The following HEXD variants were observed in gnomAD, a reference collection of about 807,000 sequenced individuals.
HEXD encodes hexosaminidase D.
In HEXD, 47 loss-of-function variants were observed where a neutral mutation model predicts 54.2. The ratio of observed to expected loss-of-function variants is 0.87; its 90% CI spans 0.69 to 1.11. The LOEUF (loss-of-function observed/expected upper bound fraction) is 1.11. HEXD is among the 50% of genes least tolerant of loss of function. HEXD has a pLI of 0.00. For synonymous variants in HEXD, 293 were observed against 287.6 expected (o/e 1.02, Z -0.19); for missense variants, 576 against 649.2 (o/e 0.89, Z 1.23).
chr17:82,431,944 A>G (rs892126034), intron 4 of HEXD, among the ~76,000 whole-genome samples: 1 of 152,186 alleles, frequency 6.6e-6, no homozygotes, highest in Non-Finnish European at 1.5e-5. Context: ...GTTGTTTTCT[A>G]GCAAATGGCC....
At chr17:82,428,466 C>A (rs960043291) in intron 3 of HEXD, 92 bp from the exon 4 acceptor site, 36 of 1,059,880 alleles carry the variant, frequency 3.4e-5, no homozygotes, top group Non-Finnish European at 4.7e-5. Flanking sequence ...CCGGAGAGCC[C>A]CCCAGGGCCT....
Position 82,442,336 on chromosome 17 carries a change from C to T in HEXD, c.1413C>T (p.Pro471=), listed in dbSNP as rs745586320. 30 of 1,610,756 alleles carry T rather than the reference C, an allele frequency of 1.9e-5. No individual in the cohort carries two copies. Among genetic ancestry groups the T allele is most frequent in the Middle Eastern group, 3.3e-4 (2 of 6,066 alleles). Residue 471 remains proline (P), a synonymous_variant, in exon 13 of 13, where the codon CCC becomes CCT. Coordinates refer to ENST00000327949, the MANE Select transcript of HEXD (RefSeq NM_001330542.2). The surrounding 1 kb of genome is among the most constrained non-coding windows in gnomAD (Gnocchi z 6.8). ...LLQDLSEVSA[P]PLPPTSPGRD... is the part of the protein sequence containing the mutation. ...AGGACCTCAGCGAGGTGTCTGCCCC[C>T]CCGCTGCCACCCACCAGCCCTGGCA...
rs540477362 is a variant in HEXD, at chr17:82,422,050, C to T, written c.84+2167C>T. On this transcript the variant is annotated intron_variant, in intron 2 of 12. Transcript: ENST00000327949. ...CCGTGTGGTGGCGGCGCCTGTAATC[C>T]TGCTACTCGAGAGGCTGAGGCAGGA... Among the ~76,000 whole-genome samples the T allele has an allele frequency of 2.0e-5, 3 of 151,792 alleles. No individual in the cohort carries two copies. The South Asian group carries it at 6.2e-4, about 32-fold the overall frequency.
chr17:82,440,212 G>A (rs779769974), intron 9 of HEXD: 1 of 1,289,680 alleles, frequency 7.8e-7, no homozygotes, highest in South Asian at 1.2e-5. Context: ...CTGTGTGTGT[G>A]GAAACTCGCA....
Position 82,434,516 on chromosome 17 carries a change from A to T in HEXD, c.447+694A>T, listed in dbSNP as rs1439654879. On this transcript the variant is annotated intron_variant, in intron 5 of 12. Transcript: ENST00000327949. This position sits in a 1 kb window ranked among gnomAD's most constrained non-coding sequence, Gnocchi z 4.5. ...TTTGAAGGAAACCTGAGTATGTAAA[A>T]TACACTTAAGCTTTACCATTCTAAC... 6.6e-6 allele frequency among the ~76,000 whole-genome samples: 1 copy of T among 152,202 alleles called. No homozygotes were observed. The highest frequency in any genetic ancestry group is 1.5e-5 in the Non-Finnish European group (1 of 68,038).
intron 5 of HEXD, among the ~76,000 whole-genome samples, chr17:82,435,343 G>A (rs2053729575): frequency 6.6e-6 from 1 of 152,146 alleles, no homozygotes; most frequent in Non-Finnish European, 1.5e-5. Context: ...GCTCCTCCGG[G>A]CTGTCAGCTG....
chr17:82,421,769 T>G (rs937328101), intron 2 of HEXD, among the ~76,000 whole-genome samples: 1 of 151,916 alleles, frequency 6.6e-6, no homozygotes, highest in African/African-American at 2.4e-5. Context: ...GAGGTTGCAG[T>G]GAGCCAAGAT....
chr17:82,433,873 T>G, intron 5 of HEXD, 51 bp downstream of exon 5: 1 of 1,504,536 alleles, frequency 6.6e-7, no homozygotes, highest in African/African-American at 1.4e-5. Context: ...CTATCATGGC[T>G]TGTCCTTTTA....
At chr17:82,423,090 A>G (rs1045838433) in intron 2 of HEXD, among the ~76,000 whole-genome samples, 1 of 152,134 alleles carries the variant, frequency 6.6e-6, no homozygotes, top group African/African-American at 2.4e-5. Context: ...CGTTCTGACA[A>G]TTGAATATAG....
chr17:82,441,925 G>C (rs2053991519), intron 12 of HEXD, 36 bp downstream of exon 12: 4 of 1,590,874 alleles, frequency 2.5e-6, no homozygotes, highest in Non-Finnish European at 3.4e-6. Flanking sequence ...GTGCAGCCAT[G>C]GGTTCCCTGA....
At chr17:82,423,524 AAAG>A (rs1272149564) in intron 2 of HEXD, 1 of 152,192 alleles carries the variant, frequency 6.6e-6, no homozygotes, top group Non-Finnish European at 1.5e-5. Flanking sequence ...CTGTTAAAAA[AAAG>A]AGAGAGGCCG....
In HEXD at chr17:82,440,565, G is replaced by A. The variant is rs149561949; in HGVS notation, c.983-432G>A. On this transcript the variant is annotated intron_variant, in intron 9 of 12. Transcript: ENST00000327949. ...AGCCTCTTGCAGCAAGCATTTCCAT[G>A]AACACCAAGTCGGAGATTCGTCCAC... 375 of 320,742 alleles carry A rather than the reference G, an allele frequency of 1.2e-3. 1 individual carries two copies. Among genetic ancestry groups the A allele is most frequent in the African/African-American group, 6.0e-3 (272 of 45,204 alleles). The allele number at this position is 320,742 out of a possible 1,614,324, so 19.9% of individuals were successfully genotyped here.
intron 8 of HEXD, 182 bp from the exon 9 acceptor site, chr17:82,439,449 G>C (rs372848448): frequency 2.0e-6 from 2 of 985,308 alleles, no homozygotes; most frequent in East Asian, 2.3e-4. Context: ...TGACATGAGA[G>C]CCCTGCCGCA....
At chr17:82,423,158 C>A (rs1031876330) in intron 2 of HEXD, among the ~76,000 whole-genome samples, 2 of 152,222 alleles carry the variant, frequency 1.3e-5, no homozygotes, top group Non-Finnish European at 2.9e-5. Flanking sequence ...TCTGTTGCTG[C>A]GTGACAGATC....
chr17:82,424,435 C>T lies in HEXD; in HGVS notation c.126C>T (p.Leu42=), dbSNP rs758271479. 77 of 1,614,016 alleles carry T rather than the reference C, an allele frequency of 4.8e-5. 1 individual carries two copies. In the South Asian group the frequency reaches 7.9e-4, roughly 17 times the overall value. The change falls in exon 3 of 13, where the codon CTC becomes CTT. Residue 42 remains leucine, a synonymous_variant. Transcript: ENST00000327949. The part of the protein sequence containing the change: ...LFRALGANGL[L]IEYEDMFPYE... ...GTGCGCTAGGTGCAAACGGCCTCCTCATTGAGTATGAAGACATGTTTCCCT... is the reference window on the plus strand; with the variant it reads ...GTGCGCTAGGTGCAAACGGCCTCCTTATTGAGTATGAAGACATGTTTCCCT...
At chr17:82,431,865 T>C (rs1050239278) in intron 4 of HEXD, among the ~76,000 whole-genome samples, 7 of 152,214 alleles carry the variant, frequency 4.6e-5, no homozygotes, top group African/African-American at 1.7e-4. Flanking sequence ...GAACTGAACA[T>C]TTCAGTTAAT....
chr17:82,432,484 A>T (rs913751123), intron 4 of HEXD, among the ~76,000 whole-genome samples: 1 of 152,142 alleles, frequency 6.6e-6, no homozygotes. Flanking sequence ...TTCCACAGTG[A>T]GGGGGAAGGG....
chr17:82,428,273 C>A, intron 3 of HEXD: 1 of 273,984 alleles, frequency 3.6e-6, no homozygotes, highest in Middle Eastern at 1.2e-3. Flanking sequence ...GCGTGAGCCA[C>A]TGTGCCTGGC....
intron 4 of HEXD, among the ~76,000 whole-genome samples, chr17:82,429,121 A>G (rs1253355792): frequency 1.3e-5 from 2 of 151,968 alleles, no homozygotes; most frequent in Non-Finnish European, 2.9e-5. Flanking sequence ...TTAGCCAGGC[A>G]TGGTGGCGGG....
Sources: allele counts gnomAD v4.1 joint callset (sites outside exome capture counted in the v4.1 genomes callset), GRCh38; gene constraint gnomAD v4.1.1; non-coding constraint Gnocchi (gnomAD v3.1); transcripts MANE v1.5; gene names NCBI Gene and HGNC (gene_info 2026-07-23, HGNC 2026-07-21).